SMARCB1: variants seen among roughly 807,000 people sequenced by gnomAD.
SMARCB1 encodes the protein SWI/SNF related BAF chromatin remodeling complex subunit B1.
In SMARCB1, 5 loss-of-function variants were observed where a neutral mutation model predicts 49.0. The ratio of observed to expected loss-of-function variants is 0.10; its 90% CI spans 0.05 to 0.21. The LOEUF (loss-of-function observed/expected upper bound fraction) is 0.21, where lower values mean the gene tolerates loss of function less well. SMARCB1 is among the 10% of genes least tolerant of loss of function. SMARCB1 has a pLI of 1.00. For missense variants in SMARCB1, 226 were observed against 509.2 expected (o/e 0.44, Z 5.35); for synonymous variants, 201 against 200.1 (o/e 1.00, Z -0.04).
rs771708446 is a variant in SMARCB1, at chr22:23,793,584, C to G, written c.258C>G (p.Thr86=). ...ATCACGGATACACGACTCTAGCCAC[C>G]AGTGTGACCCTGTTAAAAGCCTCGG... ...TKDHGYTTLA[T]SVTLLKASEV... is the part of the protein sequence containing the mutation. The change falls in exon 3 of 9, where the codon ACC becomes ACG. Residue 86 remains threonine, a synonymous_variant. Transcript: ENST00000644036. 4 of 1,614,060 alleles carry G rather than the reference C, an allele frequency of 2.5e-6. No individual in the cohort carries two copies. In the South Asian group the frequency reaches 3.3e-5, roughly 13 times the overall value.
intron 7 of SMARCB1, among the ~76,000 whole-genome samples, chr22:23,830,789 G>A (rs1276437814): frequency 6.7e-6 from 1 of 150,328 alleles, no homozygotes; most frequent in Non-Finnish European, 1.5e-5. Flanking sequence ...AGCCTCCCAA[G>A]TAGCTGGGAC....
chr22:23,836,508 AG>A lies in SMARCB1; in HGVS notation c.*2330del. ...ACTTGCCCAAGGCCCTGGTGGGGCC[AG>A]GATGAGAACCCTGAGCCTGTCACCT... On this transcript the variant is annotated 3_prime_UTR_variant, in exon 9 of 9. Coordinates refer to ENST00000644036, the MANE Select transcript of SMARCB1 (RefSeq NM_003073.5). 4.9e-6 allele frequency: 5 copies of A among 1,017,108 alleles called. No homozygotes were observed. Among genetic ancestry groups the A allele is most frequent in the Non-Finnish European group, 5.9e-6 (5 of 851,664 alleles). The allele number at this position is 1,017,108 out of a possible 1,614,324, so 63.0% of individuals were successfully genotyped here.
At chr22:23,801,171 C>A in intron 4 of SMARCB1, 90 bp downstream of exon 4, 1 of 1,583,714 alleles carries the variant, frequency 6.3e-7, no homozygotes, top group Non-Finnish European at 8.7e-7. Context: ...GAAAAACACT[C>A]TGCTTTGACC....
chr22:23,817,364 G>T (rs1453807935), intron 6 of SMARCB1: 6 of 284,148 alleles, frequency 2.1e-5, no homozygotes, highest in African/African-American at 1.3e-4. Context: ...TTGAGAAATG[G>T]TGAGGCTGGC....
chr22:23,834,623 C>G lies in SMARCB1; in HGVS notation c.*443C>G. 1.3e-6 allele frequency: 1 copy of G among 773,990 alleles called. No homozygotes were observed. The highest frequency in any genetic ancestry group is 2.1e-6 in the Non-Finnish European group (1 of 466,950). The allele number at this position is 773,990 out of a possible 1,614,324, so 47.9% of individuals were successfully genotyped here. The stretch of plus-strand genomic sequence containing the variant: ...GTGGTATGTGAACAAGGTTGGCACA[C>G]AGGCCTCACCCTCCTCTGCCTCAGA... On this transcript the variant is annotated 3_prime_UTR_variant, in exon 9 of 9. Coordinates refer to ENST00000644036, the MANE Select transcript of SMARCB1 (RefSeq NM_003073.5).
In SMARCB1 at chr22:23,837,902, G is replaced by A. The variant is rs1439267522; in HGVS notation, c.*3722G>A. 1 of 1,556,938 alleles carries A rather than the reference G, an allele frequency of 6.4e-7. No individual in the cohort carries two copies. The highest frequency in any genetic ancestry group is 8.7e-7 in the Non-Finnish European group (1 of 1,148,464). Reference sequence around the variant, plus strand: ...CGGTGCAGGCCTCAGCCCAAGCCCAGGGCCCCTCTGACTTCCCAAGACCCT... The same window carrying A: ...CGGTGCAGGCCTCAGCCCAAGCCCAAGGCCCCTCTGACTTCCCAAGACCCT... On this transcript the variant is annotated 3_prime_UTR_variant, in exon 9 of 9. Coordinates refer to ENST00000644036, the MANE Select transcript of SMARCB1 (RefSeq NM_003073.5).
chr22:23,835,323 C>G lies in SMARCB1; in HGVS notation c.*1143C>G. On this transcript the variant is annotated 3_prime_UTR_variant, in exon 9 of 9. Transcript: ENST00000644036. The stretch of plus-strand genomic sequence containing the variant: ...CTCCAGCCTTACTGAAGAGAATGGG[C>G]ACAGATCCGGGCACAGATCCCAGCA... 1 of 1,020,604 alleles carries G rather than the reference C, an allele frequency of 9.8e-7. No homozygotes were observed. The highest frequency in any genetic ancestry group is 4.5e-5 in the South Asian group (1 of 22,206). 63.2% of individuals were successfully genotyped at this position (1,020,604 alleles called of 1,614,324 possible).
At chr22:23,808,791 C>T (rs1167093369) in intron 5 of SMARCB1, among the ~76,000 whole-genome samples, 2 of 151,800 alleles carry the variant, frequency 1.3e-5, no homozygotes, top group South Asian at 2.1e-4. Context: ...CTCTACCTCC[C>T]GGGTTCAAGT....
chr22:23,803,533 A>G (rs1601405347), intron 5 of SMARCB1, 111 bp downstream of exon 5: 4 of 1,257,344 alleles, frequency 3.2e-6, no homozygotes, highest in East Asian at 2.4e-5. Context: ...CCTGACACGC[A>G]GGACATCGGG....
Position 23,793,393 on chromosome 22 carries a change from T to G in SMARCB1, c.233-166T>G, listed in dbSNP as rs905319933. 5.8e-5 allele frequency: 45 copies of G among 775,280 alleles called. No homozygotes were observed. In the Admixed American group the frequency reaches 7.7e-4, roughly 13 times the overall value. 48.0% of individuals were successfully genotyped at this position (775,280 alleles called of 1,614,324 possible). On this transcript the variant is annotated intron_variant, in intron 2 of 8. Transcript: ENST00000644036. Reference sequence around the variant, plus strand: ...CAGGACTTGTAAGTAAAGCACTCAGTCCAGATTGCCCTTTTGGAAGAGGCC... The same window carrying G: ...CAGGACTTGTAAGTAAAGCACTCAGGCCAGATTGCCCTTTTGGAAGAGGCC...
At position 23,787,359 on chromosome 22, in the gene SMARCB1, G is replaced by T. The variant is rs1928064019; in HGVS notation, c.93+97G>T. On this transcript the variant is annotated intron_variant, in intron 1 of 8. Coordinates refer to ENST00000644036, the MANE Select transcript of SMARCB1 (RefSeq NM_003073.5). ...AGAGCGCGCGTCTCCATTCATCGGG[G>T]CGGGCGGGCGCGCGCGCGCGCGCTC... The T allele has an allele frequency of 1.1e-5, 6 of 543,558 alleles. No individual in the cohort carries two copies. The East Asian group carries it at 1.8e-4, about 16-fold the overall frequency. The allele number at this position is 543,558 out of a possible 1,614,324, so 33.7% of individuals were successfully genotyped here. A position where few individuals can be genotyped will look rare whatever the true frequency, so the allele number is the denominator to read the frequency against.
chr22:23,823,250 G>A (rs988674901), intron 6 of SMARCB1: 11 of 152,358 alleles, frequency 7.2e-5, no homozygotes, highest in African/African-American at 2.7e-4. Flanking sequence ...CCAGGGCAGG[G>A]AGGGCTTGCT....
chr22:23,791,584 T>C lies in SMARCB1; in HGVS notation c.94-172T>C, dbSNP rs191492044. 2.7e-4 allele frequency among the ~76,000 whole-genome samples: 41 copies of C among 152,362 alleles called. No homozygotes were observed. The East Asian group carries it at 7.7e-3, about 29-fold the overall frequency. On this transcript the variant is annotated intron_variant, in intron 1 of 8. Coordinates refer to ENST00000644036, the MANE Select transcript of SMARCB1 (RefSeq NM_003073.5). ...GCACATATGCAGGCCAGATGTGCACTGCTGGTGAACCCTTCATATCAGCAG... is the reference window on the plus strand; with the variant it reads ...GCACATATGCAGGCCAGATGTGCACCGCTGGTGAACCCTTCATATCAGCAG...
chr22:23,794,622 G>A (rs1425952495), intron 3 of SMARCB1, among the ~76,000 whole-genome samples: 1 of 152,146 alleles, frequency 6.6e-6, no homozygotes, highest in Non-Finnish European at 1.5e-5. Flanking sequence ...AACCTGGCTG[G>A]GCACGGTGGC....
intron 5 of SMARCB1, among the ~76,000 whole-genome samples, chr22:23,809,975 C>G (rs1324523488): frequency 6.6e-6 from 1 of 150,490 alleles, no homozygotes; most frequent in Non-Finnish European, 1.5e-5. Context: ...TGGAGGCCAG[C>G]CTGACCAACA....
intron 7 of SMARCB1, among the ~76,000 whole-genome samples, chr22:23,833,084 T>C (rs1334611317): frequency 1.8e-4 from 28 of 152,106 alleles, no homozygotes; most frequent in Admixed American, 1.3e-4. Context: ...GCAGTGGCCC[T>C]CAGTAGTGGG....
intron 7 of SMARCB1, among the ~76,000 whole-genome samples, chr22:23,833,107 T>A (rs1222060009): frequency 2.6e-5 from 4 of 152,128 alleles, no homozygotes; most frequent in Admixed American, 6.5e-5. Flanking sequence ...GCTGGGGACT[T>A]CTGGGAGACT....
intron 5 of SMARCB1, among the ~76,000 whole-genome samples, chr22:23,806,484 G>A (rs1188180960): frequency 1.3e-5 from 2 of 152,180 alleles, no homozygotes; most frequent in Non-Finnish European, 2.9e-5. Flanking sequence ...GTGGTTAGAT[G>A]CCATGCCAAA....
intron 7 of SMARCB1, among the ~76,000 whole-genome samples, chr22:23,830,799 C>T (rs1368205100): frequency 6.6e-6 from 1 of 151,666 alleles, no homozygotes; most frequent in African/African-American, 2.4e-5. Context: ...GTAGCTGGGA[C>T]TACAGGCACC....
Sources: gnomAD v4.1 joint callset for allele counts (sites outside exome capture counted in the v4.1 genomes callset) on GRCh38, gnomAD v4.1.1 for gene constraint, MANE v1.5 for transcripts, NCBI Gene and HGNC (gene_info 2026-07-23, HGNC 2026-07-21) for gene names.